The following MTUS2 variants were observed in gnomAD, a reference collection of about 807,000 sequenced individuals.
MTUS2 encodes microtubule associated scaffold protein 2, also known as microtubule-associated tumor suppressor candidate 2.
A neutral mutation model predicts 114.1 loss-of-function variants in MTUS2; 40 were observed. The ratio of observed to expected loss-of-function variants is 0.35; its 90% confidence interval spans 0.27 to 0.46. MTUS2 has a LOEUF of 0.46. MTUS2 is among the 20% of genes least tolerant of loss of function. The probability of loss-of-function intolerance (pLI) is 1.00; values close to 1 mark genes in which losing one functional copy is unlikely to be tolerated. For missense variants in MTUS2, 1,679 were observed against 1,705.4 expected (o/e 0.98, Z 0.27); for synonymous variants, 688 against 672.0 (o/e 1.02, Z -0.37).
At chr13:29,173,096 C>A (rs537978864) in intron 5 of MTUS2, among the ~76,000 whole-genome samples, 30 of 152,020 alleles carry the variant, frequency 2.0e-4, no homozygotes, top group Non-Finnish European at 3.2e-4. Flanking sequence ...ATTGCACCTG[C>A]TTTTTTTATT....
intron 2 of MTUS2, among the ~76,000 whole-genome samples, chr13:28,996,368 T>G (rs1181894782): frequency 1.3e-5 from 2 of 152,184 alleles, no homozygotes; most frequent in Admixed American, 6.5e-5. Flanking sequence ...TCTTTTTTTG[T>G]TGTGTCTCTG....
At chr13:29,454,410 C>A (rs1163630113) in intron 9 of MTUS2, among the ~76,000 whole-genome samples, 3 of 152,226 alleles carry the variant, frequency 2.0e-5, no homozygotes, top group Non-Finnish European at 4.4e-5. Flanking sequence ...CTTGTTAGTA[C>A]ACCAGGAATG....
At chr13:29,455,573 A>G (rs73444079) in intron 9 of MTUS2, among the ~76,000 whole-genome samples, 1 of 152,168 alleles carries the variant, frequency 6.6e-6, no homozygotes, top group East Asian at 1.9e-4. Context: ...TTAAAGGAAG[A>G]CAGTGTCATA....
At chr13:29,483,400 C>A (rs1251929190) in intron 10 of MTUS2, among the ~76,000 whole-genome samples, 1 of 152,256 alleles carries the variant, frequency 6.6e-6, no homozygotes, top group African/African-American at 2.4e-5. Flanking sequence ...CGCCATCTCA[C>A]AGGGCATGGG....
intron 5 of MTUS2, among the ~76,000 whole-genome samples, chr13:29,127,121 A>C (rs1040858238): frequency 6.6e-6 from 1 of 151,850 alleles, no homozygotes; most frequent in Non-Finnish European, 1.5e-5. Context: ...ACACCACCTA[A>C]CTTGTTCTTC....
At chr13:29,429,979 A>G (rs531852749) in intron 8 of MTUS2, among the ~76,000 whole-genome samples, 2 of 152,322 alleles carry the variant, frequency 1.3e-5, no homozygotes, top group South Asian at 4.1e-4. Context: ...TCTAATAGAA[A>G]TAACTACTTC....
chr13:29,088,503 G>A (rs1889798243), intron 4 of MTUS2, among the ~76,000 whole-genome samples: 1 of 152,168 alleles, frequency 6.6e-6, no homozygotes, highest in South Asian at 2.1e-4. Flanking sequence ...ATTTGTTCAA[G>A]TGTTGAGTAT....
intron 7 of MTUS2, among the ~76,000 whole-genome samples, chr13:29,357,480 C>A (rs1031411964): frequency 6.6e-6 from 1 of 152,100 alleles, no homozygotes. Flanking sequence ...TATAAAATCA[C>A]GAGCCACAGC....
At chr13:29,385,817 AC>A (rs1872596085) in intron 8 of MTUS2, among the ~76,000 whole-genome samples, 1 of 152,174 alleles carries the variant, frequency 6.6e-6, no homozygotes, top group Admixed American at 6.6e-5. Context: ...AAGGACTCCT[AC>A]CCACTGGGAG....
At chr13:29,064,372 G>A (rs1189878097) in intron 4 of MTUS2, among the ~76,000 whole-genome samples, 6 of 141,988 alleles carry the variant, frequency 4.2e-5, no homozygotes, top group East Asian at 4.2e-4. Context: ...GGATTTCAGC[G>A]CCAGTCTACG....
intron 2 of MTUS2, among the ~76,000 whole-genome samples, chr13:28,909,806 A>T (rs111847194): frequency 0.023 from 3,526 of 152,270 alleles, 133 homozygotes; most frequent in African/African-American, 0.079. Flanking sequence ...AAATCTCCTT[A>T]AGCTCATAGG....
At chr13:29,228,221 C>T (rs987452859) in intron 5 of MTUS2, among the ~76,000 whole-genome samples, 21 of 152,218 alleles carry the variant, frequency 1.4e-4, no homozygotes, top group African/African-American at 5.1e-4. Flanking sequence ...GCCTCCATGT[C>T]GTGGAATACT....
intron 7 of MTUS2, among the ~76,000 whole-genome samples, chr13:29,355,735 T>C (rs1454527089): frequency 6.6e-6 from 1 of 152,178 alleles, no homozygotes; most frequent in African/African-American, 2.4e-5. Context: ...TGTGTGTAGG[T>C]CATGACGAAA....
chr13:29,336,071 G>A (rs2138085818), intron 7 of MTUS2, among the ~76,000 whole-genome samples: 1 of 152,204 alleles, frequency 6.6e-6, no homozygotes, highest in Admixed American at 6.5e-5. Context: ...GGTTATTCTA[G>A]TTAGCAATTC....
chr13:28,920,444 A>G (rs995269936), intron 2 of MTUS2, among the ~76,000 whole-genome samples: 3 of 152,232 alleles, frequency 2.0e-5, no homozygotes, highest in Non-Finnish European at 4.4e-5. Context: ...ACCTGGAACT[A>G]GGGGTGAGGG....
intron 7 of MTUS2, among the ~76,000 whole-genome samples, chr13:29,335,520 C>A (rs558139894): frequency 6.6e-6 from 1 of 152,322 alleles, no homozygotes; most frequent in South Asian, 2.1e-4. Context: ...TTCGTACACT[C>A]CTTCCCCTTT....
chr13:29,018,030 A>G (rs1203597813), intron 2 of MTUS2, among the ~76,000 whole-genome samples: 1 of 152,250 alleles, frequency 6.6e-6, no homozygotes, highest in Non-Finnish European at 1.5e-5. Flanking sequence ...CACAGAGAGA[A>G]AATACCTAGT....
intron 1 of MTUS2, among the ~76,000 whole-genome samples, chr13:28,827,045 G>T (rs912025077): frequency 1.3e-5 from 2 of 152,184 alleles, no homozygotes; most frequent in Admixed American, 1.3e-4. Flanking sequence ...ACAAATAATT[G>T]TGTTCTCAGG....
At chr13:29,303,938 C>A (rs1483653521) in intron 6 of MTUS2, among the ~76,000 whole-genome samples, 1 of 152,196 alleles carries the variant, frequency 6.6e-6, no homozygotes, top group Non-Finnish European at 1.5e-5. Flanking sequence ...CAGTAGACTT[C>A]TCAGTAGAAA....
Sources: gnomAD v4.1 joint callset for allele counts (sites outside exome capture counted in the v4.1 genomes callset) on GRCh38, gnomAD v4.1.1 for gene constraint, MANE v1.5 for transcripts, NCBI Gene and HGNC (gene_info 2026-07-23, HGNC 2026-07-21) for gene names.